The following TMEM131 variants were observed in gnomAD, a reference collection of about 807,000 sequenced individuals.
TMEM131 encodes the protein transmembrane protein 131, also known as 2610524E03Rik.
A neutral mutation model predicts 211.6 loss-of-function variants in TMEM131; 66 were observed. The ratio of observed to expected loss-of-function variants is 0.31; its 90% CI spans 0.26 to 0.38. TMEM131 has a LOEUF of 0.38. TMEM131 is among the 10% of genes least tolerant of loss of function. The pLI, the probability that TMEM131 is intolerant of heterozygous loss-of-function variation, is 1.00. For synonymous variants in TMEM131, 844 were observed against 841.3 expected (o/e 1.00, Z -0.06); for missense variants, 2,036 against 2,299.3 (o/e 0.89, Z 2.34).
chr2:97,861,611 G>A (rs958058347), intron 4 of TMEM131, among the ~76,000 whole-genome samples: 17 of 151,944 alleles, frequency 1.1e-4, no homozygotes, highest in Non-Finnish European at 2.1e-4. Context: ...GGTGGTGGTG[G>A]CCATGGGGTA....
chr2:97,831,244 C>T lies in TMEM131; in HGVS notation c.1074+2121G>A, dbSNP rs144526136. 3.7e-3 allele frequency among the ~76,000 whole-genome samples: 571 copies of T among 152,310 alleles called. 3 individuals are homozygous for T. Among genetic ancestry groups the T allele is most frequent in the African/African-American group, 0.013 (544 of 41,574 alleles). On this transcript the variant is annotated intron_variant, in intron 11 of 40. Coordinates refer to ENST00000186436, the MANE Select transcript of TMEM131 (RefSeq NM_015348.2). ...CACATAAATCAGATGATGTCACTCT[C>T]GTTTAAAATCCTGTAATAATTTCCC...
intron 4 of TMEM131, among the ~76,000 whole-genome samples, chr2:97,885,132 G>A (rs973823426): frequency 3.3e-5 from 5 of 152,132 alleles, no homozygotes. Context: ...AGATATAAGA[G>A]TCCCTTAAGC....
chr2:97,966,034 TA>T (rs917844310), intron 1 of TMEM131, among the ~76,000 whole-genome samples: 6 of 150,860 alleles, frequency 4.0e-5, no homozygotes, highest in Admixed American at 2.0e-4. Context: ...AGCAATTTTT[TA>T]AAAAAAAACT....
chr2:97,897,559 G>GT (rs1675665653), intron 3 of TMEM131, among the ~76,000 whole-genome samples: 1 of 152,010 alleles, frequency 6.6e-6, no homozygotes, highest in South Asian at 2.1e-4. Flanking sequence ...AAATTATATT[G>GT]TTTTCAAATA....
chr2:97,793,712 T>C (rs1360794245), intron 29 of TMEM131, among the ~76,000 whole-genome samples, 159 bp from the exon 30 acceptor site: 1 of 152,122 alleles, frequency 6.6e-6, no homozygotes, highest in Admixed American at 6.5e-5. Flanking sequence ...CCCACAGTTT[T>C]GGCTGGGCAC....
intron 7 of TMEM131, among the ~76,000 whole-genome samples, chr2:97,841,269 T>A (rs1407627120): frequency 6.6e-6 from 1 of 152,218 alleles, no homozygotes; most frequent in East Asian, 1.9e-4. Context: ...GACAAGGAGC[T>A]AGTGAGGAGG....
At chr2:97,766,424 G>GTGCACTA in intron 34 of TMEM131, 54 bp downstream of exon 34, 1 of 1,612,314 alleles carries the variant, frequency 6.2e-7, no homozygotes, top group Non-Finnish European at 8.5e-7. Flanking sequence ...TGTTAATACG[G>GTGCACTA]TGCACTATGA....
intron 15 of TMEM131, among the ~76,000 whole-genome samples, chr2:97,813,767 G>C (rs1160287521): frequency 1.3e-5 from 2 of 152,160 alleles, no homozygotes; most frequent in South Asian, 2.1e-4. Flanking sequence ...ACTGTAACTA[G>C]AGAAGTCAAC....
At chr2:97,825,622 A>G (rs1203888939) in intron 11 of TMEM131, among the ~76,000 whole-genome samples, 1 of 152,214 alleles carries the variant, frequency 6.6e-6, no homozygotes, top group Admixed American at 6.5e-5. Context: ...AGGCCCTACT[A>G]CAAGCTCCAG....
intron 5 of TMEM131, among the ~76,000 whole-genome samples, chr2:97,849,812 G>A (rs1225269935): frequency 6.8e-6 from 1 of 148,108 alleles, no homozygotes; most frequent in African/African-American, 2.5e-5. Context: ...TTTTTCATAA[G>A]GGTCTCAGTG....
intron 4 of TMEM131, among the ~76,000 whole-genome samples, chr2:97,860,090 G>A (rs541765643): frequency 3.9e-5 from 6 of 152,310 alleles, no homozygotes; most frequent in African/African-American, 1.4e-4. Flanking sequence ...TGCCTTAGAA[G>A]TGAAACTTTA....
chr2:97,818,481 G>GGGGAAAAAAAA, intron 12 of TMEM131, 132 bp downstream of exon 12: 2 of 292,102 alleles, frequency 6.8e-6, no homozygotes, highest in Non-Finnish European at 1.3e-5. Flanking sequence ...GGCGGGGGGG[G>GGGGAAAAAAAA]ATCAACCTAA....
intron 25 of TMEM131, among the ~76,000 whole-genome samples, chr2:97,799,385 G>C (rs1323543530): frequency 6.6e-6 from 1 of 152,146 alleles, no homozygotes; most frequent in Non-Finnish European, 1.5e-5. Context: ...CAGCTACCAT[G>C]TTGTTTTGAA....
chr2:97,768,433 C>A (rs1679296155), intron 33 of TMEM131, among the ~76,000 whole-genome samples: 1 of 152,078 alleles, frequency 6.6e-6, no homozygotes, highest in African/African-American at 2.4e-5. Context: ...AAACTAAATT[C>A]TGTGCCACTG....
chr2:97,995,396 TCCTCCCGGCCCAGC>T (rs946189503), intron 1 of TMEM131, 66 bp downstream of exon 1: 31 of 1,253,924 alleles, frequency 2.5e-5, no homozygotes, highest in East Asian at 6.6e-5. Context: ...CCGCGGCCCT[TCCTCCCGGCCCAGC>T]CCTCCCGGCC....
intron 2 of TMEM131, among the ~76,000 whole-genome samples, chr2:97,917,852 C>G (rs1320776429): frequency 6.6e-6 from 1 of 152,154 alleles, no homozygotes; most frequent in Non-Finnish European, 1.5e-5. Context: ...CAATCACTGA[C>G]CACCATGTGA....
intron 1 of TMEM131, among the ~76,000 whole-genome samples, chr2:97,966,387 T>C (rs936995949): frequency 6.6e-6 from 1 of 152,178 alleles, no homozygotes; most frequent in East Asian, 1.9e-4. Context: ...TTTCTTCCAC[T>C]CTTCAAATCT....
At chr2:97,959,271 G>A (rs1357874451) in intron 1 of TMEM131, among the ~76,000 whole-genome samples, 2 of 152,166 alleles carry the variant, frequency 1.3e-5, no homozygotes, top group African/African-American at 4.8e-5. Flanking sequence ...TGACGCTGGA[G>A]GGTCTGTTTC....
chr2:97,845,980 A>G (rs1167318094), intron 5 of TMEM131, among the ~76,000 whole-genome samples: 3 of 152,234 alleles, frequency 2.0e-5, no homozygotes, highest in African/African-American at 7.2e-5. Context: ...AGAAATGGAC[A>G]CATTCTTTGA....
Sources: gnomAD v4.1 joint callset for allele counts (sites outside exome capture counted in the v4.1 genomes callset) on GRCh38, gnomAD v4.1.1 for gene constraint, MANE v1.5 for transcripts, NCBI Gene and HGNC (gene_info 2026-07-23, HGNC 2026-07-21) for gene names.